The following SLCO2A1 variants were observed in gnomAD, a reference collection of about 807,000 sequenced individuals.
The protein encoded by SLCO2A1 is matrin F/G 1.
SLCO2A1 carries 60 observed loss-of-function variants against 71.7 expected under a neutral mutation model. The observed-to-expected ratio is 0.84, with a 90% CI of 0.68 to 1.04. The LOEUF (loss-of-function observed/expected upper bound fraction) is 1.04, where lower values mean the gene tolerates loss of function less well. Ranked by LOEUF, SLCO2A1 falls within the 50% of genes least tolerant of loss-of-function variation. The pLI, the probability that SLCO2A1 is intolerant of heterozygous loss-of-function variation, is 0.00. For missense variants in SLCO2A1, 745 were observed against 813.4 expected, an observed-to-expected ratio of 0.92 and a Z score of 1.02; for synonymous variants, 308 against 326.7, an observed-to-expected ratio of 0.94 and a Z score of 0.62.
rs1055348041 is a variant in SLCO2A1, at chr3:133,968,331, C to T, written c.397+5332G>A. 7.2e-5 allele frequency among the ~76,000 whole-genome samples: 11 copies of T among 152,150 alleles called. 1 individual carries two copies. The South Asian group carries it at 2.1e-3, about 29-fold the overall frequency. On this transcript the variant is annotated intron_variant, in intron 3 of 13. Coordinates refer to ENST00000310926, the MANE Select transcript of SLCO2A1 (RefSeq NM_005630.3). The stretch of plus-strand genomic sequence containing the variant: ...GGCTGCCCAAACCACGGGTGCCCCT[C>T]TCATTCCTCCAGGGCTTCCTAGCAC...
rs187360058 is a variant in SLCO2A1, at chr3:133,985,972, T to A, written c.97-6354A>T. Among the ~76,000 whole-genome samples, 567 of 152,360 alleles carry A rather than the reference T, an allele frequency of 3.7e-3. 1 individual carries two copies. The highest frequency in any genetic ancestry group is 6.8e-3 in the Non-Finnish European group (465 of 68,036). On this transcript the variant is annotated intron_variant, in intron 1 of 13. Coordinates refer to ENST00000310926, the MANE Select transcript of SLCO2A1 (RefSeq NM_005630.3). ...TTGTCAGTTCAGCTGCCCTACTTACTTACTTGGCTAAACCCAAACTGAAAT... is the reference window on the plus strand; with the variant it reads ...TTGTCAGTTCAGCTGCCCTACTTACATACTTGGCTAAACCCAAACTGAAAT...
rs183579852 is a variant in SLCO2A1 at position 133,955,572 on chromosome 3, G to A, written c.398-379C>T. 1.3e-3 allele frequency among the ~76,000 whole-genome samples: 191 copies of A among 152,246 alleles called. 1 individual carries two copies. The highest frequency in any genetic ancestry group is 7.6e-3 in the East Asian group (39 of 5,152). On this transcript the variant is annotated intron_variant, in intron 3 of 13. Coordinates refer to ENST00000310926, the MANE Select transcript of SLCO2A1 (RefSeq NM_005630.3). ...GGGGCACCCAGCTGGAAAAGGGGGAGGGGGTCCAGGGTCAAAGCCCAGGCC... is the reference window on the plus strand; with the variant it reads ...GGGGCACCCAGCTGGAAAAGGGGGAAGGGGTCCAGGGTCAAAGCCCAGGCC...
intron 1 of SLCO2A1, among the ~76,000 whole-genome samples, chr3:134,015,863 G>C (rs574901610): frequency 6.6e-6 from 1 of 152,070 alleles, no homozygotes; most frequent in South Asian, 2.1e-4. Context: ...ACCCAGAATA[G>C]ATCCACACAA....
At chr3:134,025,718 T>A (rs1245005448) in intron 1 of SLCO2A1, among the ~76,000 whole-genome samples, 5 of 152,116 alleles carry the variant, frequency 3.3e-5, no homozygotes, top group Non-Finnish European at 7.3e-5. Context: ...GCCCTTCCTG[T>A]ACTAAGGGAC....
At chr3:133,999,807 C>G (rs1935062615) in intron 1 of SLCO2A1, among the ~76,000 whole-genome samples, 1 of 152,070 alleles carries the variant, frequency 6.6e-6, no homozygotes, top group African/African-American at 2.4e-5. Flanking sequence ...TGAGAGAGTT[C>G]CAGGTAGGTG....
At chr3:133,989,253 C>A (rs1212635188) in intron 1 of SLCO2A1, among the ~76,000 whole-genome samples, 1 of 152,264 alleles carries the variant, frequency 6.6e-6, no homozygotes, top group African/African-American at 2.4e-5. Flanking sequence ...GGCCCACTCC[C>A]ACCCTGCGGA....
chr3:133,949,506 C>T (rs1252808430), intron 6 of SLCO2A1, among the ~76,000 whole-genome samples: 1 of 152,164 alleles, frequency 6.6e-6, no homozygotes, highest in Non-Finnish European at 1.5e-5. Flanking sequence ...GTATACTACC[C>T]CAGGGAACCT....
chr3:134,005,469 T>G (rs1935186165), intron 1 of SLCO2A1, among the ~76,000 whole-genome samples: 2 of 146,218 alleles, frequency 1.4e-5, no homozygotes, highest in African/African-American at 2.5e-5. Context: ...TAGTCCATTT[T>G]CATGTGTTAT....
At chr3:133,966,398 T>C (rs886686305) in intron 3 of SLCO2A1, among the ~76,000 whole-genome samples, 4 of 152,108 alleles carry the variant, frequency 2.6e-5, no homozygotes, top group African/African-American at 9.7e-5. Context: ...GCACAATGTA[T>C]GAGACAGACA....
In SLCO2A1 at chr3:133,932,923, G is replaced by T. The variant is rs1450722656; in HGVS notation, c.*1790C>A. ...TCAAATGCTAAAACTGGCCCCTGAG[G>T]TTACATTGAGCCTCCCTTCCTGAGT... On this transcript the variant is annotated 3_prime_UTR_variant, in exon 14 of 14. Coordinates refer to ENST00000310926, the MANE Select transcript of SLCO2A1 (RefSeq NM_005630.3). The T allele has an allele frequency of 3.3e-5, 5 of 152,612 alleles. No homozygotes were observed. Among genetic ancestry groups the T allele is most frequent in the Admixed American group, 2.6e-4 (4 of 15,286 alleles). 9.5% of individuals were successfully genotyped at this position (152,612 alleles called of 1,614,324 possible).
At chr3:133,964,572 A>G (rs1473992353) in intron 3 of SLCO2A1, among the ~76,000 whole-genome samples, 1 of 152,236 alleles carries the variant, frequency 6.6e-6, no homozygotes, top group East Asian at 1.9e-4. Flanking sequence ...AAGCAGTTAC[A>G]GGACAAGTGA....
At chr3:134,021,411 C>G (rs1278582462) in intron 1 of SLCO2A1, among the ~76,000 whole-genome samples, 1 of 152,170 alleles carries the variant, frequency 6.6e-6, no homozygotes, top group African/African-American at 2.4e-5. Flanking sequence ...TCCCTTGTTT[C>G]AAAGGTGTGG....
chr3:134,000,786 G>C (rs547457469), intron 1 of SLCO2A1, among the ~76,000 whole-genome samples: 1 of 152,266 alleles, frequency 6.6e-6, no homozygotes, highest in Non-Finnish European at 1.5e-5. Flanking sequence ...CAATGTTGGA[G>C]CTCCCTGAGC....
intron 1 of SLCO2A1, among the ~76,000 whole-genome samples, chr3:134,024,543 A>G (rs1935658783): frequency 6.6e-6 from 1 of 152,222 alleles, no homozygotes; most frequent in African/African-American, 2.4e-5. Context: ...AGAAAGAGAA[A>G]AAATGGCAGT....
intron 1 of SLCO2A1, among the ~76,000 whole-genome samples, chr3:133,997,737 A>G (rs1388863901): frequency 2.6e-5 from 4 of 152,230 alleles, no homozygotes; most frequent in Non-Finnish European, 5.9e-5. Flanking sequence ...TATTTTTTAA[A>G]TGGCAGCTCT....
At position 133,938,446 on chromosome 3, in the gene SLCO2A1, A is replaced by C. The variant is rs989802060; in HGVS notation, c.1673T>G (p.Leu558Trp). The change falls in exon 12 of 14, where the codon TTG (leucine) becomes TGG (tryptophan). Residue 558 changes from leucine to tryptophan, a missense_variant. Physicochemically the swap from Leu to Trp is moderately conservative, Grantham distance 61. Coordinates refer to ENST00000310926, the MANE Select transcript of SLCO2A1 (RefSeq NM_005630.3). ...ACACTTACCCAGCAAGCGCATCAAC[A>C]AGAACTGCACCCCGATGGCAAATGA... is the stretch of plus-strand genomic sequence containing the variant. Reference protein sequence around the residue: ...EKSFAIGVQFLLMRLLAWLPS... With the variant: ...EKSFAIGVQFWLMRLLAWLPS... 1.9e-6 allele frequency: 3 copies of C among 1,614,144 alleles called. No individual in the cohort carries two copies. Among genetic ancestry groups the C allele is most frequent in the Admixed American group, 3.3e-5 (2 of 60,026 alleles).
chr3:133,983,217 G>A (rs1934633590), intron 1 of SLCO2A1, among the ~76,000 whole-genome samples: 1 of 152,232 alleles, frequency 6.6e-6, no homozygotes, highest in Non-Finnish European at 1.5e-5. Flanking sequence ...GAGACCCTTA[G>A]TACCCCGACA....
At chr3:133,963,612 T>C (rs1934096139) in intron 3 of SLCO2A1, among the ~76,000 whole-genome samples, 1 of 152,208 alleles carries the variant, frequency 6.6e-6, no homozygotes, top group Non-Finnish European at 1.5e-5. Flanking sequence ...GAAGGAGACA[T>C]GGCTGTCATC....
chr3:133,960,647 T>A (rs1039938167), intron 3 of SLCO2A1, among the ~76,000 whole-genome samples: 9 of 152,322 alleles, frequency 5.9e-5, no homozygotes, highest in Middle Eastern at 6.8e-3. Context: ...TTGCACAGCA[T>A]TGTGAACGTA....
Sources: allele counts gnomAD v4.1 joint callset (sites outside exome capture counted in the v4.1 genomes callset), GRCh38; gene constraint gnomAD v4.1.1; transcripts MANE v1.5; gene names NCBI Gene and HGNC (gene_info 2026-07-23, HGNC 2026-07-21).